Variants in SLC39A10 observed in about 807,000 individuals in gnomAD.
SLC39A10 encodes solute carrier family 39 member 10.
SLC39A10 carries 13 observed loss-of-function variants against 65.1 expected under a neutral mutation model. The ratio of observed to expected loss-of-function variants is 0.20; its 90% CI spans 0.13 to 0.32. The LOEUF (loss-of-function observed/expected upper bound fraction) is 0.32. Ranked by LOEUF, SLC39A10 falls within the 10% of genes least tolerant of loss-of-function variation. The pLI is 1.00. For synonymous variants in SLC39A10, 321 were observed against 342.2 expected (o/e 0.94, Z 0.68); for missense variants, 831 against 1,018.4 (o/e 0.82, Z 2.50).
intron 2 of SLC39A10, among the ~76,000 whole-genome samples, chr2:195,640,455 A>C (rs1688786211): frequency 6.6e-6 from 1 of 152,024 alleles, no homozygotes; most frequent in Non-Finnish European, 1.5e-5. Flanking sequence ...GAAAATAGTT[A>C]CTGTTTGTTC....
intron 6 of SLC39A10, among the ~76,000 whole-genome samples, chr2:195,714,984 C>T (rs58865060): frequency 0.06 from 9,069 of 151,810 alleles, 377 homozygotes; most frequent in African/African-American, 0.12. Flanking sequence ...AATCTCCTGA[C>T]CTCGTGATTC....
At chr2:195,666,140 T>C (rs1339680330) in intron 1 of SLC39A10, among the ~76,000 whole-genome samples, 1 of 152,162 alleles carries the variant, frequency 6.6e-6, no homozygotes, top group Non-Finnish European at 1.5e-5. Context: ...CAAGACTCTA[T>C]GTTCAAGAAT....
upstream of SLC39A10, among the ~76,000 whole-genome samples, chr2:195,652,359 C>T (rs1363925161): frequency 1.3e-5 from 2 of 151,774 alleles, no homozygotes; most frequent in African/African-American, 4.8e-5. Flanking sequence ...AACAGCCTGG[C>T]CAACATGGAG....
intron 6 of SLC39A10, among the ~76,000 whole-genome samples, chr2:195,715,206 G>A (rs907988588): frequency 3.3e-5 from 5 of 151,980 alleles, no homozygotes; most frequent in African/African-American, 9.6e-5. Context: ...TACTTACCTG[G>A]TATAATCATA....
At chr2:195,616,698 G>A (rs1415952967) in intron 2 of SLC39A10, among the ~76,000 whole-genome samples, 1 of 151,498 alleles carries the variant, frequency 6.6e-6, no homozygotes, top group African/African-American at 2.4e-5. Context: ...CCGCCTCCCA[G>A]GTTCACGCCA....
intron 2 of SLC39A10, among the ~76,000 whole-genome samples, chr2:195,682,197 T>C (rs1690350646): frequency 6.6e-6 from 1 of 152,200 alleles, no homozygotes; most frequent in Admixed American, 6.5e-5. Flanking sequence ...TTTAGCATTC[T>C]TATTAAAGTT....
rs777335755 is a variant in SLC39A10, at chr2:195,716,803, C to G, written c.1863C>G (p.Leu621=). ...DGLHTIHEHD[L]HAAAHNHHGE... is the part of the protein sequence containing the mutation. ...TACATACCATTCATGAGCATGATCT[C>G]CATGCTGCTGCACATAACCACCACG... Residue 621 remains leucine (L), a synonymous_variant, in exon 7 of 10, where the codon CTC becomes CTG. Transcript: ENST00000359634. 17 of 1,614,002 alleles carry G rather than the reference C, an allele frequency of 1.1e-5. No individual in the cohort carries two copies. In the African/African-American group the frequency reaches 1.7e-4, roughly 16 times the overall value.
intron 2 of SLC39A10, among the ~76,000 whole-genome samples, chr2:195,651,313 G>A (rs933306880): frequency 2.0e-5 from 3 of 152,044 alleles, no homozygotes; most frequent in Admixed American, 6.6e-5. Flanking sequence ...CACAGGTCTC[G>A]AATAATGGAA....
At chr2:195,689,997 T>C (rs889529926) in intron 3 of SLC39A10, among the ~76,000 whole-genome samples, 4 of 151,638 alleles carry the variant, frequency 2.6e-5, no homozygotes, top group African/African-American at 9.7e-5. Flanking sequence ...ACCAACATGG[T>C]GAAACCTCAT....
At chr2:195,615,994 C>T (rs1244414004) in intron 2 of SLC39A10, among the ~76,000 whole-genome samples, 2 of 152,166 alleles carry the variant, frequency 1.3e-5, no homozygotes, top group African/African-American at 4.8e-5. Context: ...TTTCCCGGTT[C>T]GCCCAGGCTA....
At chr2:195,638,151 A>G (rs972042457) in intron 2 of SLC39A10, among the ~76,000 whole-genome samples, 2 of 152,118 alleles carry the variant, frequency 1.3e-5, no homozygotes, top group Non-Finnish European at 2.9e-5. Flanking sequence ...TATTTATTTT[A>G]TCTACCAATT....
intron 1 of SLC39A10, among the ~76,000 whole-genome samples, chr2:195,676,239 A>G (rs374530314): frequency 1.3e-5 from 2 of 150,688 alleles, no homozygotes; most frequent in South Asian, 2.1e-4. Flanking sequence ...TGGCAGGCTG[A>G]AGTGTGGTGG....
At chr2:195,642,428 A>G (rs1688829101) in intron 2 of SLC39A10, among the ~76,000 whole-genome samples, 1 of 152,212 alleles carries the variant, frequency 6.6e-6, no homozygotes, top group Non-Finnish European at 1.5e-5. Flanking sequence ...GGAACACAGC[A>G]GAACCATTTT....
chr2:195,721,707 C>T lies in SLC39A10; in HGVS notation c.2146+3375C>T, dbSNP rs570285975. Among the ~76,000 whole-genome samples, 20 of 152,066 alleles carry T rather than the reference C, an allele frequency of 1.3e-4. No individual in the cohort carries two copies. The South Asian group carries it at 4.0e-3, about 30-fold the overall frequency. On this transcript the variant is annotated intron_variant, in intron 8 of 9. Transcript: ENST00000359634. ...TTTTTATATATGAGTTAACATGTTG[C>T]CTCATATTTAATCTTTCACTTAAAA...
intron 3 of SLC39A10, among the ~76,000 whole-genome samples, chr2:195,702,453 C>T (rs1311009823): frequency 6.6e-6 from 1 of 152,106 alleles, no homozygotes; most frequent in Non-Finnish European, 1.5e-5. Context: ...CGAGCTTTCC[C>T]CTAGAAGTTG....
At chr2:195,650,620 G>A (rs1689011957) in intron 2 of SLC39A10, among the ~76,000 whole-genome samples, 1 of 152,092 alleles carries the variant, frequency 6.6e-6, no homozygotes, top group Non-Finnish European at 1.5e-5. Flanking sequence ...TTAGGATCAT[G>A]TAGGCAGATC....
chr2:195,698,226 G>A (rs1205446558), intron 3 of SLC39A10, among the ~76,000 whole-genome samples: 1 of 152,076 alleles, frequency 6.6e-6, no homozygotes, highest in Non-Finnish European at 1.5e-5. Context: ...TCAAGTGCTT[G>A]TGTGGAATCT....
At chr2:195,734,552 G>T (rs1048563087) in intron 9 of SLC39A10, among the ~76,000 whole-genome samples, 3 of 152,218 alleles carry the variant, frequency 2.0e-5, no homozygotes, top group Non-Finnish European at 2.9e-5. Context: ...TTGGTAATAA[G>T]TTGCTTTATG....
At chr2:195,667,634 G>T (rs751638996) in intron 1 of SLC39A10, among the ~76,000 whole-genome samples, 24 of 152,268 alleles carry the variant, frequency 1.6e-4, no homozygotes, top group South Asian at 4.1e-4. Context: ...AATACCTTAG[G>T]TTAATATATT....
Sources: allele counts gnomAD v4.1 joint callset (sites outside exome capture counted in the v4.1 genomes callset), GRCh38; gene constraint gnomAD v4.1.1; transcripts MANE v1.5; gene names NCBI Gene and HGNC (gene_info 2026-07-23, HGNC 2026-07-21).